MALRD1: variants seen among roughly 807,000 people sequenced by gnomAD.
MALRD1 encodes MAM and LDL-receptor class A domain-containing protein 1.
A neutral mutation model predicts 242.1 loss-of-function variants in MALRD1; 247 were observed. That is an observed-to-expected ratio of 1.02 (90% confidence interval 0.92 to 1.13). The LOEUF is 1.13. MALRD1 is among the 50% of genes most tolerant of loss of function. MALRD1 has a pLI of 0.00. For missense variants in MALRD1, 2,989 were observed against 2,533.1 expected (o/e 1.18, Z -3.86); for synonymous variants, 995 against 866.6 (o/e 1.15, Z -2.60).
chr10:19,645,868 T>G (rs534415662), intron 36 of MALRD1, among the ~76,000 whole-genome samples: 184 of 152,200 alleles, frequency 1.2e-3, no homozygotes, highest in Non-Finnish European at 1.9e-3. Context: ...CCCTAAAACT[T>G]AAAGTATAAT....
At chr10:19,671,683 G>GT (rs1239144657) in intron 36 of MALRD1, among the ~76,000 whole-genome samples, 1 of 152,098 alleles carries the variant, frequency 6.6e-6, no homozygotes, top group Non-Finnish European at 1.5e-5. Flanking sequence ...TACATGCTAC[G>GT]TATCCATTGC....
intron 10 of MALRD1, among the ~76,000 whole-genome samples, chr10:19,140,704 C>T (rs1833509670): frequency 1.3e-5 from 2 of 152,114 alleles, no homozygotes; most frequent in South Asian, 2.1e-4. Flanking sequence ...AAGATAAATA[C>T]AGCACGATCT....
intron 11 of MALRD1, among the ~76,000 whole-genome samples, chr10:19,152,207 A>T (rs1386911463): frequency 1.3e-5 from 2 of 152,224 alleles, no homozygotes; most frequent in African/African-American, 4.8e-5. Context: ...TAAAACTGGT[A>T]AATTCCACAT....
intron 26 of MALRD1, among the ~76,000 whole-genome samples, chr10:19,371,018 G>A (rs531651540): frequency 7.0e-6 from 1 of 143,396 alleles, no homozygotes; most frequent in East Asian, 2.0e-4. Flanking sequence ...GGATATCCAA[G>A]ACCATATTTT....
chr10:19,252,501 A>G (rs1839336808), intron 18 of MALRD1, among the ~76,000 whole-genome samples: 2 of 152,096 alleles, frequency 1.3e-5, no homozygotes, highest in Non-Finnish European at 2.9e-5. Flanking sequence ...ATACAATATA[A>G]TGCCAAAAGA....
intron 31 of MALRD1, among the ~76,000 whole-genome samples, chr10:19,503,138 C>G (rs530264603): frequency 6.6e-6 from 1 of 152,182 alleles, no homozygotes; most frequent in Non-Finnish European, 1.5e-5. Flanking sequence ...ACAGAGTGCT[C>G]TCTTCAAAGC....
intron 31 of MALRD1, among the ~76,000 whole-genome samples, chr10:19,504,664 A>ATTTTTTTTTTTTT (rs759213931): frequency 5.1e-5 from 5 of 97,590 alleles, no homozygotes; most frequent in African/African-American, 2.3e-4. Context: ...ATTGTAACAC[A>ATTTTTTTTTTTTT]TTTTTTTTTT....
intron 26 of MALRD1, among the ~76,000 whole-genome samples, chr10:19,358,364 C>T (rs1844737245): frequency 6.6e-6 from 1 of 152,040 alleles, no homozygotes; most frequent in African/African-American, 2.4e-5. Flanking sequence ...TCTTTCAGGT[C>T]ACTCATTTCT....
intron 33 of MALRD1, among the ~76,000 whole-genome samples, chr10:19,590,360 G>GTATATATCTATATACATATTTTA (rs1269522633): frequency 2.6e-3 from 383 of 146,664 alleles, no homozygotes; most frequent in African/African-American, 7.0e-3. Context: ...TATAATATAT[G>GTATATATCTATATACATATTTTA]TATATGTCTA....
At chr10:19,716,079 AAAAC>A (rs1421673966) in intron 38 of MALRD1, among the ~76,000 whole-genome samples, 2 of 152,210 alleles carry the variant, frequency 1.3e-5, no homozygotes, top group African/African-American at 4.8e-5. Flanking sequence ...TACTCAAACT[AAAAC>A]AAACCTTTAG....
intron 28 of MALRD1, among the ~76,000 whole-genome samples, chr10:19,443,154 C>T (rs547309818): frequency 8.5e-5 from 13 of 152,092 alleles, no homozygotes; most frequent in East Asian, 1.9e-4. Context: ...TCTGTGGGAT[C>T]GGTGGTGATA....
intron 31 of MALRD1, among the ~76,000 whole-genome samples, chr10:19,523,411 C>T (rs761454201): frequency 2.0e-5 from 3 of 152,216 alleles, no homozygotes; most frequent in Non-Finnish European, 4.4e-5. Context: ...AGTCAAAGCT[C>T]TTTTATAATA....
At chr10:19,129,506 A>G (rs962323490) in intron 8 of MALRD1, among the ~76,000 whole-genome samples, 3 of 151,870 alleles carry the variant, frequency 2.0e-5, no homozygotes, top group Non-Finnish European at 4.4e-5. Flanking sequence ...TGTATAGAGG[A>G]TTTGTCACAT....
chr10:19,440,882 T>C (rs1834604068), intron 28 of MALRD1, among the ~76,000 whole-genome samples: 2 of 152,182 alleles, frequency 1.3e-5, no homozygotes, highest in Admixed American at 1.3e-4. Context: ...CTGGGTCAAA[T>C]GGTATTTCTA....
chr10:19,104,424 G>C (rs1024430228), intron 5 of MALRD1, among the ~76,000 whole-genome samples: 1 of 152,052 alleles, frequency 6.6e-6, no homozygotes, highest in Admixed American at 6.5e-5. Flanking sequence ...TGTCTTCTTG[G>C]ACAATTGGTT....
In MALRD1 at chr10:19,097,726, A is replaced by G. The variant is rs190328507; in HGVS notation, c.598-6253A>G. On this transcript the variant is annotated intron_variant, in intron 4 of 39. Coordinates refer to ENST00000454679, the MANE Select transcript of MALRD1 (RefSeq NM_001142308.3). Reference sequence around the variant, plus strand: ...TGTTTACTGTTAAGGGACCAGATTGATAACATTTACTAAACAGACCTGGAC... The same window carrying G: ...TGTTTACTGTTAAGGGACCAGATTGGTAACATTTACTAAACAGACCTGGAC... 1.6e-4 allele frequency among the ~76,000 whole-genome samples: 25 copies of G among 152,294 alleles called. No homozygotes were observed. The South Asian group carries it at 2.5e-3, about 15-fold the overall frequency.
At chr10:19,151,349 A>G (rs990163725) in intron 11 of MALRD1, among the ~76,000 whole-genome samples, 3 of 152,158 alleles carry the variant, frequency 2.0e-5, no homozygotes, top group South Asian at 4.1e-4. Flanking sequence ...GCTGACATAT[A>G]GAAGTGCATT....
chr10:19,485,555 A>G (rs980734389), intron 29 of MALRD1, among the ~76,000 whole-genome samples: 30 of 152,064 alleles, frequency 2.0e-4, no homozygotes, highest in African/African-American at 7.0e-4. Context: ...AGGCAGGAGA[A>G]TGGCATGAAC....
intron 21 of MALRD1, among the ~76,000 whole-genome samples, chr10:19,304,464 C>T (rs1013670127): frequency 6.6e-6 from 1 of 151,678 alleles, no homozygotes; most frequent in African/African-American, 2.4e-5. Flanking sequence ...TTCAAAATTA[C>T]ATTTGTACAA....
Sources: gnomAD v4.1 joint callset for allele counts (sites outside exome capture counted in the v4.1 genomes callset) on GRCh38, gnomAD v4.1.1 for gene constraint, MANE v1.5 for transcripts, NCBI Gene and HGNC (gene_info 2026-07-23, HGNC 2026-07-21) for gene names.